The following FLI1 variants were observed in gnomAD, a reference collection of about 807,000 sequenced individuals.
The protein encoded by FLI1 is Friend leukemia integration 1 transcription factor.
Under a neutral mutation model 53.1 loss-of-function variants are expected in FLI1, and 13 were observed. That is an observed-to-expected ratio of 0.24 (90% CI 0.16 to 0.39). The LOEUF (loss-of-function observed/expected upper bound fraction) is 0.39, where lower values mean the gene tolerates loss of function less well. Ranked by LOEUF, FLI1 falls within the 10% of genes least tolerant of loss-of-function variation. The pLI, the probability that FLI1 is intolerant of heterozygous loss-of-function variation, is 1.00. For synonymous variants in FLI1, 244 were observed against 236.7 expected, an observed-to-expected ratio of 1.03 and a Z score of -0.28; for missense variants, 424 against 600.5, an observed-to-expected ratio of 0.71 and a Z score of 3.07.
At chr11:128,690,634 T>C (rs2155133), upstream of FLI1, among the ~76,000 whole-genome samples, 8,741 of 152,306 alleles carry the variant, frequency 0.057, 460 homozygotes, top group East Asian at 0.14. Context: ...GCAAGTCGTC[T>C]CACCAGCGTT....
intron 1 of FLI1, among the ~76,000 whole-genome samples, chr11:128,755,959 G>T (rs578217645): frequency 3.9e-5 from 6 of 152,298 alleles, no homozygotes; most frequent in Admixed American, 2.0e-4. Flanking sequence ...TCTGTCCGCT[G>T]GGGTGGAGAA....
At position 128,790,442 on chromosome 11, in the gene FLI1, C is replaced by T. The variant is rs566806051; in HGVS notation, c.655+8419C>T. Among the ~76,000 whole-genome samples the T allele has an allele frequency of 5.9e-5, 9 of 152,226 alleles. No individual in the cohort carries two copies. The South Asian group carries it at 1.3e-3, about 21-fold the overall frequency. ...CAATCCCTCGGGAACTTAGCCAGCCCGCCCTGTCCTGGAGTCAGACTCCAG... is the reference window on the plus strand; with the variant it reads ...CAATCCCTCGGGAACTTAGCCAGCCTGCCCTGTCCTGGAGTCAGACTCCAG... On this transcript the variant is annotated intron_variant, in intron 5 of 8. Transcript: ENST00000527786.
intron 1 of FLI1, among the ~76,000 whole-genome samples, chr11:128,728,735 G>A (rs572917399): frequency 1.8e-4 from 28 of 152,338 alleles, no homozygotes; most frequent in South Asian, 1.4e-3. Flanking sequence ...ATTCTCATTT[G>A]CACTCCCCAT....
chr11:128,705,394 A>G (rs1938505360), intron 1 of FLI1, among the ~76,000 whole-genome samples: 1 of 152,244 alleles, frequency 6.6e-6, no homozygotes, highest in Non-Finnish European at 1.5e-5. Flanking sequence ...AGCTCAATAG[A>G]GAACGGCATA....
chr11:128,773,593 A>G (rs1024862449), intron 4 of FLI1, among the ~76,000 whole-genome samples: 4 of 150,034 alleles, frequency 2.7e-5, no homozygotes, highest in Non-Finnish European at 3.0e-5. Flanking sequence ...GAGCTTAAGA[A>G]AGAAAGCAGG....
intron 1 of FLI1, among the ~76,000 whole-genome samples, chr11:128,746,416 G>A (rs640046): frequency 0.36 from 55,415 of 151,976 alleles, 10,350 homozygotes; most frequent in South Asian, 0.43. Context: ...AGAACCTGCC[G>A]CCTCCACCCC....
intron 5 of FLI1, among the ~76,000 whole-genome samples, chr11:128,794,345 A>G (rs1189793551): frequency 1.3e-5 from 2 of 152,330 alleles, no homozygotes; most frequent in East Asian, 3.9e-4. Flanking sequence ...TCTGCCTAGT[A>G]TACTGATTTA....
Position 128,781,922 on chromosome 11 carries a change from A to G in FLI1, c.590-36A>G, listed in dbSNP as rs1422209973. 7 of 1,552,672 alleles carry G rather than the reference A, an allele frequency of 4.5e-6. No homozygotes were observed. The East Asian group carries it at 1.1e-4, about 25-fold the overall frequency. On this transcript the variant is annotated intron_variant, in intron 4 of 8. Transcript: ENST00000527786. ...CTCCTACTCTTGATCTCAGAAGAACATTTTGGTTATAACCTGTTTATGTTT... is the reference window on the plus strand; with the variant it reads ...CTCCTACTCTTGATCTCAGAAGAACGTTTTGGTTATAACCTGTTTATGTTT...
Position 128,799,034 on chromosome 11 carries a change from A to ATTT in FLI1, c.656-6330_656-6329insTTT, listed in dbSNP as rs1215901447. On this transcript the variant is annotated intron_variant, in intron 5 of 8. Transcript: ENST00000527786. The stretch of plus-strand genomic sequence containing the variant: ...TTTATTTTATTATATTATTATTATT[A>ATTT]TTATTATTATTATTATTATTTTGCT... 2.2e-4 allele frequency among the ~76,000 whole-genome samples: 29 copies of ATTT among 131,788 alleles called. 1 individual carries two copies. Among genetic ancestry groups the ATTT allele is most frequent in the African/African-American group, 3.1e-4 (11 of 35,802 alleles). The allele number at this position is 131,788 out of a possible 152,430, so 86.5% of individuals were successfully genotyped here.
intron 1 of FLI1, among the ~76,000 whole-genome samples, chr11:128,742,067 G>A (rs538448039): frequency 2.6e-5 from 4 of 152,088 alleles, no homozygotes; most frequent in South Asian, 2.1e-4. Flanking sequence ...CTTTCCTGTC[G>A]TCACTTCCCC....
chr11:128,811,610 C>T lies in FLI1; in HGVS notation c.*622C>T. ...CAGTATGCACTCAGCTGACCACTCTCTCTAGAAATAGTCAAGATATGAACT... is the reference window on the plus strand; with the variant it reads ...CAGTATGCACTCAGCTGACCACTCTTTCTAGAAATAGTCAAGATATGAACT... On this transcript the variant is annotated 3_prime_UTR_variant, in exon 9 of 9. Coordinates refer to ENST00000527786, the MANE Select transcript of FLI1 (RefSeq NM_002017.5). 4.6e-6 allele frequency: 1 copy of T among 215,266 alleles called. No individual in the cohort carries two copies. The highest frequency in any genetic ancestry group is 9.4e-6 in the Non-Finnish European group (1 of 106,530). The allele number at this position is 215,266 out of a possible 1,614,324, so 13.3% of individuals were successfully genotyped here.
rs181356168 is a variant in FLI1, at chr11:128,780,027, G to A, written c.590-1931G>A. On this transcript the variant is annotated intron_variant, in intron 4 of 8. Transcript: ENST00000527786. ...GTAAAAATACACTATTACCGTTGTCGTATATGTGGTCCATCTTTGCCCAAA... is the reference window on the plus strand; with the variant it reads ...GTAAAAATACACTATTACCGTTGTCATATATGTGGTCCATCTTTGCCCAAA... Among the ~76,000 whole-genome samples, 318 of 152,274 alleles carry A rather than the reference G, an allele frequency of 2.1e-3. 6 individuals are homozygous for A. Among genetic ancestry groups the A allele is most frequent in the Non-Finnish European group, 8.7e-4 (59 of 68,020 alleles).
rs779860062 is a variant in FLI1, at chr11:128,774,230, G to A, written c.589+1245G>A. Among the ~76,000 whole-genome samples the A allele has an allele frequency of 1.2e-3, 185 of 152,156 alleles. 1 individual carries two copies. Among genetic ancestry groups the A allele is most frequent in the Admixed American group, 6.5e-4 (10 of 15,274 alleles). ...AAACTGGCTTTGGCAGTTTCCACTG[G>A]TGCCTCTGTGCTCTCTGGTCACCTT... On this transcript the variant is annotated intron_variant, in intron 4 of 8. Transcript: ENST00000527786.
At chr11:128,708,360 T>C (rs1011797571) in intron 1 of FLI1, among the ~76,000 whole-genome samples, 7 of 152,238 alleles carry the variant, frequency 4.6e-5, no homozygotes, top group Admixed American at 2.6e-4. Context: ...GAGTTGGTTG[T>C]CTGCTATTAG....
chr11:128,784,282 G>C (rs947846787), intron 5 of FLI1, among the ~76,000 whole-genome samples: 2 of 124,730 alleles, frequency 1.6e-5, no homozygotes, highest in Non-Finnish European at 3.2e-5. Flanking sequence ...CTGTCTTATT[G>C]TTCAGCCGTG....
intron 1 of FLI1, among the ~76,000 whole-genome samples, chr11:128,734,560 C>T (rs926010772): frequency 3.3e-5 from 5 of 152,180 alleles, no homozygotes; most frequent in East Asian, 3.9e-4. Flanking sequence ...CCTTGTGACC[C>T]GCGCTGCCTG....
At chr11:128,693,159 T>G (rs973905904), upstream of FLI1, 1 of 152,436 alleles carries the variant, frequency 6.6e-6, no homozygotes, top group South Asian at 2.1e-4. Flanking sequence ...CGCTGGGGGT[T>G]TGGCTCGAGA....
chr11:128,768,496 T>G, intron 3 of FLI1: 1 of 529,792 alleles, frequency 1.9e-6, no homozygotes, highest in South Asian at 2.3e-5. Flanking sequence ...CTAGCCAACG[T>G]GGTGAAACCT....
Position 128,811,642 on chromosome 11 carries a change from T to G in FLI1, c.*654T>G. On this transcript the variant is annotated 3_prime_UTR_variant, in exon 9 of 9. Transcript: ENST00000527786. ...AATAGTCAAGATATGAACTAAGAAA[T>G]TTTAATGCAAATACATACATTCCTG... 4.8e-6 allele frequency: 1 copy of G among 209,512 alleles called. No individual in the cohort carries two copies. 13.0% of individuals were successfully genotyped at this position (209,512 alleles called of 1,614,324 possible).
Sources: gnomAD v4.1 joint callset for allele counts (sites outside exome capture counted in the v4.1 genomes callset) on GRCh38, gnomAD v4.1.1 for gene constraint, MANE v1.5 for transcripts, NCBI Gene and HGNC (gene_info 2026-07-23, HGNC 2026-07-21) for gene names.